HDAC9: variants seen among roughly 807,000 people sequenced by gnomAD.
The protein encoded by HDAC9 is histone deacetylase 9.
A neutral mutation model predicts 139.4 loss-of-function variants in HDAC9; 41 were observed. That is an observed-to-expected ratio of 0.29 (90% CI 0.23 to 0.38). HDAC9 has a LOEUF of 0.38. Among genes scored for constraint, HDAC9 ranks in the 10% least tolerant of loss-of-function variants. The probability of loss-of-function intolerance (pLI) is 1.00; values close to 1 mark genes in which losing one functional copy is unlikely to be tolerated. For missense variants in HDAC9, 1,147 were observed against 1,297.0 expected, an observed-to-expected ratio of 0.88 and a Z score of 1.78; for synonymous variants, 517 against 476.2, an observed-to-expected ratio of 1.09 and a Z score of -1.12.
intron 21 of HDAC9, among the ~76,000 whole-genome samples, chr7:18,838,534 A>G (rs769393633): frequency 1.3e-5 from 2 of 152,006 alleles, no homozygotes; most frequent in Non-Finnish European, 2.9e-5. Context: ...AATGAATCAT[A>G]TTTTGTAAAC....
chr7:18,655,505 T>A lies in HDAC9; in HGVS notation c.1467+6822T>A, dbSNP rs139898627. 5.6e-3 allele frequency among the ~76,000 whole-genome samples: 846 copies of A among 152,292 alleles called. 5 individuals are homozygous for A. Among genetic ancestry groups the A allele is most frequent in the African/African-American group, 0.019 (809 of 41,580 alleles). On this transcript the variant is annotated intron_variant, in intron 11 of 25. Transcript: ENST00000686413. ...TCTCCAAAAAAATCCACTTATAGAATACCAGCTTATATCATCACAAGGAAT... is the reference window on the plus strand; with the variant it reads ...TCTCCAAAAAAATCCACTTATAGAAAACCAGCTTATATCATCACAAGGAAT...
chr7:18,686,855 A>G (rs1304377347), intron 12 of HDAC9, among the ~76,000 whole-genome samples: 1 of 151,904 alleles, frequency 6.6e-6, no homozygotes, highest in Admixed American at 6.6e-5. Flanking sequence ...CTAATCTAAC[A>G]TAAACCTTCA....
At chr7:18,163,612 A>G (rs539977072) in intron 2 of HDAC9, among the ~76,000 whole-genome samples, 83 of 152,104 alleles carry the variant, frequency 5.5e-4, no homozygotes, top group African/African-American at 1.6e-3. Context: ...TTCTCACCCC[A>G]TCCCCTACCA....
intron 1 of HDAC9, among the ~76,000 whole-genome samples, chr7:18,452,339 G>A (rs576914963): frequency 2.0e-4 from 31 of 152,188 alleles, no homozygotes; most frequent in Admixed American, 1.4e-3. Flanking sequence ...ACACATACGC[G>A]TATGACACTC....
chr7:18,584,140 C>CT (rs3084518), intron 2 of HDAC9, among the ~76,000 whole-genome samples: 3,446 of 107,572 alleles, frequency 0.032, 234 homozygotes, highest in African/African-American at 0.091. Context: ...AAGCAGCATT[C>CT]TTTTTTTTTT....
intron 22 of HDAC9, among the ~76,000 whole-genome samples, chr7:18,875,856 A>G (rs185123794): frequency 1.2e-3 from 179 of 152,312 alleles, no homozygotes; most frequent in South Asian, 3.3e-3. Flanking sequence ...CTAAATAAAC[A>G]AAGACAAAGA....
chr7:18,786,457 C>CCTTCCTTCCTTCCTTT (rs1310381484), intron 16 of HDAC9, among the ~76,000 whole-genome samples: 14 of 92,152 alleles, frequency 1.5e-4, no homozygotes, highest in African/African-American at 3.9e-4. Context: ...ATCGCCCTTT[C>CCTTCCTTCCTTCCTTT]CTTCCTTCCT....
intron 1 of HDAC9, among the ~76,000 whole-genome samples, chr7:18,445,376 A>AT (rs970710328): frequency 6.6e-6 from 1 of 151,980 alleles, no homozygotes; most frequent in African/African-American, 2.4e-5. Flanking sequence ...ATATATTTAT[A>AT]TTTTTTTATG....
intron 22 of HDAC9, among the ~76,000 whole-genome samples, chr7:18,922,450 G>C (rs1297602443): frequency 6.6e-6 from 1 of 152,058 alleles, no homozygotes; most frequent in Admixed American, 6.6e-5. Flanking sequence ...TTTGTAGTCA[G>C]ATGACCTTCA....
chr7:18,820,343 A>G (rs1707170443), intron 17 of HDAC9, among the ~76,000 whole-genome samples: 2 of 152,178 alleles, frequency 1.3e-5, no homozygotes, highest in South Asian at 4.1e-4. Flanking sequence ...ACACATCTTT[A>G]TGTCAGAAAA....
At chr7:18,977,853 T>A (rs1438941071) in intron 25 of HDAC9, among the ~76,000 whole-genome samples, 1 of 151,620 alleles carries the variant, frequency 6.6e-6, no homozygotes, top group Non-Finnish European at 1.5e-5. Context: ...AAAGAAGAAT[T>A]CTTCTAGAAC....
At chr7:18,926,438 A>T (rs1804236878) in intron 22 of HDAC9, among the ~76,000 whole-genome samples, 1 of 152,210 alleles carries the variant, frequency 6.6e-6, no homozygotes, top group South Asian at 2.1e-4. Context: ...TTAATGATTA[A>T]ATATTCATTT....
intron 2 of HDAC9, among the ~76,000 whole-genome samples, chr7:18,233,935 G>A (rs1256548171): frequency 6.6e-6 from 1 of 151,572 alleles, no homozygotes; most frequent in Non-Finnish European, 1.5e-5. Context: ...TTTTTCTTAA[G>A]TTTGGTCTTC....
chr7:18,401,664 A>C (rs1787555769), intron 1 of HDAC9, among the ~76,000 whole-genome samples: 1 of 152,180 alleles, frequency 6.6e-6, no homozygotes, highest in Non-Finnish European at 1.5e-5. Flanking sequence ...CATCATGTAT[A>C]GAGTAAACTT....
intron 2 of HDAC9, among the ~76,000 whole-genome samples, chr7:18,499,431 A>G (rs985089058): frequency 1.3e-5 from 2 of 152,074 alleles, no homozygotes; most frequent in Non-Finnish European, 1.5e-5. Context: ...AATATATTTT[A>G]GTTTAAAGTT....
chr7:18,914,437 T>C (rs1340681823), intron 22 of HDAC9, among the ~76,000 whole-genome samples: 1 of 151,810 alleles, frequency 6.6e-6, no homozygotes, highest in African/African-American at 2.4e-5. Flanking sequence ...TTCAACTCTA[T>C]CTGTACAATA....
chr7:18,525,871 T>G (rs1806698997), intron 2 of HDAC9, among the ~76,000 whole-genome samples: 2 of 152,202 alleles, frequency 1.3e-5, no homozygotes, highest in Non-Finnish European at 2.9e-5. Flanking sequence ...TTTCACTTAC[T>G]TTCTGCATAC....
At chr7:18,940,538 G>C (rs1293001836) in intron 23 of HDAC9, among the ~76,000 whole-genome samples, 1 of 152,062 alleles carries the variant, frequency 6.6e-6, no homozygotes, top group Non-Finnish European at 1.5e-5. Flanking sequence ...CACCAGCTTG[G>C]GGTTTGCAAG....
chr7:18,441,534 A>G (rs889220362), intron 1 of HDAC9, among the ~76,000 whole-genome samples: 1 of 152,184 alleles, frequency 6.6e-6, no homozygotes, highest in Non-Finnish European at 1.5e-5. Flanking sequence ...AATAACATGA[A>G]GTGATTTATC....
Sources: gnomAD v4.1 joint callset for allele counts (sites outside exome capture counted in the v4.1 genomes callset) on GRCh38, gnomAD v4.1.1 for gene constraint, MANE v1.5 for transcripts, NCBI Gene and HGNC (gene_info 2026-07-23, HGNC 2026-07-21) for gene names.